The following KCNQ3 variants were observed in gnomAD, a reference collection of about 807,000 sequenced individuals.
KCNQ3 encodes the protein potassium voltage-gated channel subfamily Q member 3, also known as potassium voltage-gated channel subfamily KQT member 3.
A neutral mutation model predicts 92.5 loss-of-function variants in KCNQ3; 30 were observed. That is an observed-to-expected ratio of 0.32 (90% confidence interval 0.24 to 0.44). The LOEUF (loss-of-function observed/expected upper bound fraction) is 0.44, where lower values mean the gene tolerates loss of function less well. Ranked by LOEUF, KCNQ3 falls within the 20% of genes least tolerant of loss-of-function variation. The pLI, the probability that KCNQ3 is intolerant of heterozygous loss-of-function variation, is 1.00. For missense variants in KCNQ3, 913 were observed against 1,140.3 expected, an observed-to-expected ratio of 0.80 and a Z score of 2.87; for synonymous variants, 450 against 468.8, an observed-to-expected ratio of 0.96 and a Z score of 0.52.
intron 9 of KCNQ3, among the ~76,000 whole-genome samples, chr8:132,160,089 G>C (rs116223456): frequency 6.6e-6 from 1 of 152,272 alleles, no homozygotes; most frequent in African/African-American, 2.4e-5. Context: ...AGGGGCAGAG[G>C]GTCAGGAAAA....
At chr8:132,189,022 G>C (rs1171640424) in intron 1 of KCNQ3, among the ~76,000 whole-genome samples, 1 of 152,172 alleles carries the variant, frequency 6.6e-6, no homozygotes, top group African/African-American at 2.4e-5. Flanking sequence ...TCTTAACAAG[G>C]GATGTGGGCC....
intron 1 of KCNQ3, among the ~76,000 whole-genome samples, chr8:132,337,861 A>G (rs1329515767): frequency 6.6e-6 from 1 of 152,246 alleles, no homozygotes; most frequent in African/African-American, 2.4e-5. Context: ...TGAACTTTGA[A>G]GTCTGGCAGT....
At chr8:132,355,036 A>C (rs1037308462) in intron 1 of KCNQ3, among the ~76,000 whole-genome samples, 1 of 152,208 alleles carries the variant, frequency 6.6e-6, no homozygotes, top group African/African-American at 2.4e-5. Flanking sequence ...AACAGTCCTC[A>C]TATCAGCAAA....
At chr8:132,418,629 T>C (rs1466876346) in intron 1 of KCNQ3, among the ~76,000 whole-genome samples, 1 of 151,984 alleles carries the variant, frequency 6.6e-6, no homozygotes, top group Non-Finnish European at 1.5e-5. Context: ...CTACTAAAAA[T>C]ATAAAAATTA....
At chr8:132,182,882 GCACACACACA>G (rs3993055) in intron 3 of KCNQ3, among the ~76,000 whole-genome samples, 12 of 145,990 alleles carry the variant, frequency 8.2e-5, no homozygotes, top group African/African-American at 1.5e-4. Context: ...CTCCAATATC[GCACACACACA>G]CACACACACA....
chr8:132,477,855 C>T (rs1240567728), intron 1 of KCNQ3, among the ~76,000 whole-genome samples: 1 of 152,188 alleles, frequency 6.6e-6, no homozygotes, highest in Admixed American at 6.5e-5. Context: ...TACCCAGGGT[C>T]CCACAATTGT....
intron 1 of KCNQ3, among the ~76,000 whole-genome samples, chr8:132,468,499 T>C (rs1563922130): frequency 6.6e-6 from 1 of 152,354 alleles, no homozygotes; most frequent in East Asian, 1.9e-4. Context: ...CCTGCCTGCC[T>C]TTGGGTAGGA....
intron 1 of KCNQ3, among the ~76,000 whole-genome samples, chr8:132,397,169 A>G (rs1262123960): frequency 6.6e-6 from 1 of 152,126 alleles, no homozygotes; most frequent in Non-Finnish European, 1.5e-5. Flanking sequence ...CATTTTACCA[A>G]ATCACTACTG....
intron 1 of KCNQ3, among the ~76,000 whole-genome samples, chr8:132,400,879 T>C (rs1820313854): frequency 6.6e-6 from 1 of 152,140 alleles, no homozygotes; most frequent in East Asian, 1.9e-4. Context: ...ACCACAACCT[T>C]GAAAGGCAGG....
intron 1 of KCNQ3, among the ~76,000 whole-genome samples, chr8:132,218,483 A>T (rs918970655): frequency 6.6e-6 from 1 of 152,252 alleles, no homozygotes; most frequent in Non-Finnish European, 1.5e-5. Context: ...ATAGACAGAA[A>T]CAATCATAGA....
intron 1 of KCNQ3, among the ~76,000 whole-genome samples, chr8:132,408,888 T>C (rs1820572519): frequency 1.3e-5 from 2 of 152,154 alleles, no homozygotes; most frequent in African/African-American, 4.8e-5. Flanking sequence ...ACCAGTGAGC[T>C]TGGAAGAGGA....
At chr8:132,448,645 C>T (rs1226907474) in intron 1 of KCNQ3, among the ~76,000 whole-genome samples, 1 of 152,024 alleles carries the variant, frequency 6.6e-6, no homozygotes, top group Non-Finnish European at 1.5e-5. Context: ...CAAAAGCAAT[C>T]TCTGGTCACA....
chr8:132,181,909 G>T (rs1225463786), intron 3 of KCNQ3, among the ~76,000 whole-genome samples: 1 of 152,088 alleles, frequency 6.6e-6, no homozygotes, highest in Non-Finnish European at 1.5e-5. Flanking sequence ...GCTGGGCACG[G>T]TGGTGGGTGC....
Position 132,127,919 on chromosome 8 carries a change from G to T in KCNQ3, c.*1343C>A, listed in dbSNP as rs1210404931. On this transcript the variant is annotated 3_prime_UTR_variant, in exon 15 of 15. Coordinates refer to ENST00000388996, the MANE Select transcript of KCNQ3 (RefSeq NM_004519.4). ...TAGTATTTTCATTTAAAAAATCTGGGTTGGTTCCATAAATTTGGAAAAGTA... is the reference window on the plus strand; with the variant it reads ...TAGTATTTTCATTTAAAAAATCTGGTTTGGTTCCATAAATTTGGAAAAGTA... 6.6e-6 allele frequency: 1 copy of T among 152,160 alleles called. No individual in the cohort carries two copies. Among genetic ancestry groups the T allele is most frequent in the Admixed American group, 6.5e-5 (1 of 15,286 alleles). The allele number at this position is 152,160 out of a possible 1,614,324, so 9.4% of individuals were successfully genotyped here. A position where few individuals can be genotyped will look rare whatever the true frequency, so the allele number is the denominator to read the frequency against.
intron 1 of KCNQ3, among the ~76,000 whole-genome samples, chr8:132,210,806 G>A (rs906389452): frequency 1.3e-5 from 2 of 152,228 alleles, no homozygotes; most frequent in Non-Finnish European, 2.9e-5. Context: ...TATATCAAGA[G>A]AGAAGATCAT....
chr8:132,419,109 T>C lies in KCNQ3; in HGVS notation c.386+61038A>G, dbSNP rs375359469. Among the ~76,000 whole-genome samples the C allele has an allele frequency of 6.6e-5, 10 of 152,238 alleles. No individual in the cohort carries two copies. The East Asian group carries it at 1.4e-3, about 21-fold the overall frequency. On this transcript the variant is annotated intron_variant, in intron 1 of 14. Transcript: ENST00000388996. Reference sequence around the variant, plus strand: ...GAAGAGATCCATCTAAAAAGGTCAATACAATGCCTTCCAGTCCAAAAGCCT... The same window carrying C: ...GAAGAGATCCATCTAAAAAGGTCAACACAATGCCTTCCAGTCCAAAAGCCT...
At chr8:132,204,804 C>T (rs1813602521) in intron 1 of KCNQ3, among the ~76,000 whole-genome samples, 1 of 152,110 alleles carries the variant, frequency 6.6e-6, no homozygotes, top group Non-Finnish European at 1.5e-5. Flanking sequence ...ATTTACATAC[C>T]AGAGCGCTGC....
At chr8:132,187,822 G>A (rs895179559) in intron 1 of KCNQ3, among the ~76,000 whole-genome samples, 4 of 145,572 alleles carry the variant, frequency 2.7e-5, no homozygotes, top group South Asian at 4.5e-4. Context: ...GGTGGTGGTG[G>A]TGGTGGTGAT....
chr8:132,154,275 C>T (rs1418844813), intron 9 of KCNQ3, among the ~76,000 whole-genome samples: 4 of 140,184 alleles, frequency 2.9e-5, no homozygotes, highest in Non-Finnish European at 6.1e-5. Flanking sequence ...GTAAAAGCCC[C>T]TGGGATTTTT....
Sources: gnomAD v4.1 joint callset for allele counts (sites outside exome capture counted in the v4.1 genomes callset) on GRCh38, gnomAD v4.1.1 for gene constraint, MANE v1.5 for transcripts, NCBI Gene and HGNC (gene_info 2026-07-23, HGNC 2026-07-21) for gene names.